The following CDC25A variants were observed in gnomAD, a reference collection of about 807,000 sequenced individuals.
CDC25A encodes cell division cycle 25A, also known as M-phase inducer phosphatase 1.
A neutral mutation model predicts 64.6 loss-of-function variants in CDC25A; 17 were observed. The ratio of observed to expected loss-of-function variants is 0.26; its 90% confidence interval spans 0.18 to 0.39. CDC25A has a LOEUF of 0.39. CDC25A is among the 10% of genes least tolerant of loss of function. The pLI is 1.00. For missense variants in CDC25A, 473 were observed against 654.8 expected (o/e 0.72, Z 3.03); for synonymous variants, 229 against 238.6 (o/e 0.96, Z 0.37).
rs2032902991 is a variant in CDC25A, at chr3:48,187,834, T to TC, written c.113dup (p.Leu39ThrfsTer20). ...CGGTCAGGTTGGTGACAGGCGACAG[T>TC]CCCCCGGCGGCTGAAGCGCCAAATA... On this transcript the variant is annotated frameshift_variant, in exon 1 of 15. Transcript: ENST00000302506. LOFTEE classifies it high-confidence loss of function. 1 of 1,548,350 alleles carries TC rather than the reference T, an allele frequency of 6.5e-7. No individual in the cohort carries two copies. The highest frequency in any genetic ancestry group is 8.7e-7 in the Non-Finnish European group (1 of 1,145,720).
chr3:48,186,706 A>G lies in CDC25A; in HGVS notation c.244T>C (p.Ser82Pro). 2 of 1,588,568 alleles carry G rather than the reference A, an allele frequency of 1.3e-6. No individual in the cohort carries two copies. The highest frequency in any genetic ancestry group is 1.7e-6 in the Non-Finnish European group (2 of 1,160,568). The change falls in exon 2 of 15, where the codon TCA (serine) becomes CCA (proline). Residue 82 changes from serine to proline, a missense_variant. Physicochemically the swap from Ser to Pro is moderately conservative, Grantham distance 74. This residue lies in a region of CDC25A where 376 missense variants were observed against 431.9 expected (regional missense o/e 0.87). Coordinates refer to ENST00000302506, the MANE Select transcript of CDC25A (RefSeq NM_001789.3). ...CCCACACAGCAGACTTAAATACCTG[A>G]ATCTGTTGACTCGGAGGAGCCCATT... The part of the protein sequence containing the change: ...QRMGSSESTD[S>P]GFCLDSPGPL...
At chr3:48,172,374 T>C (rs2106722741) in intron 9 of CDC25A, among the ~76,000 whole-genome samples, 1 of 152,370 alleles carries the variant, frequency 6.6e-6, no homozygotes, top group African/African-American at 2.4e-5. Flanking sequence ...TGATGAGATT[T>C]ACTTAAACCT....
chr3:48,183,129 T>C lies in CDC25A; in HGVS notation c.328-99A>G, dbSNP rs528275090. The C allele has an allele frequency of 6.9e-5, 51 of 739,204 alleles. No individual in the cohort carries two copies. In the South Asian group the frequency reaches 7.1e-4, roughly 10 times the overall value. The allele number at this position is 739,204 out of a possible 1,614,324, so 45.8% of individuals were successfully genotyped here. On this transcript the variant is annotated intron_variant, in intron 4 of 14. Transcript: ENST00000302506. ...AAAAAAAGGGGGGTTGAATAGGGGG[T>C]AGACTAGCTCCTCACACACTGCAGT...
chr3:48,183,152 A>C (rs2106758829), intron 4 of CDC25A, 122 bp from the exon 5 acceptor site: 2 of 648,758 alleles, frequency 3.1e-6, no homozygotes, highest in Middle Eastern at 3.8e-4. Flanking sequence ...CACACACTGC[A>C]GTAGGTAACC....
In CDC25A at chr3:48,165,684, A is replaced by G. The variant is rs990006320; in HGVS notation, c.1143T>C (p.Val381=). Residue 381 remains valine, a synonymous_variant, in exon 12 of 15, where the codon GTT becomes GTC. Transcript: ENST00000302506. ...CATATGGGTATCGACAGTCGATGATAACAAACTCTTTAATGAGGTTGGCAA... is the reference window on the plus strand; with the variant it reads ...CATATGGGTATCGACAGTCGATGATGACAAACTCTTTAATGAGGTTGGCAA... The part of the protein sequence containing the change: ...GKFANLIKEF[V]IIDCRYPYEY... 6.2e-7 allele frequency: 1 copy of G among 1,613,994 alleles called. No individual in the cohort carries two copies. The highest frequency in any genetic ancestry group is 8.5e-7 in the Non-Finnish European group (1 of 1,179,958).
intron 8 of CDC25A, among the ~76,000 whole-genome samples, chr3:48,175,469 A>G (rs1255684190): frequency 2.6e-5 from 4 of 152,138 alleles, no homozygotes; most frequent in Non-Finnish European, 4.4e-5. Context: ...TCAGTAAACC[A>G]TTCATTTTCA....
intron 13 of CDC25A, among the ~76,000 whole-genome samples, chr3:48,162,266 TTGTGTGTGTGTGTG>T (rs35591959): frequency 1.4e-5 from 2 of 144,692 alleles, no homozygotes; most frequent in African/African-American, 2.5e-5. Flanking sequence ...AGTATAACCT[TTGTGTGTGTGTGTG>T]TGTGTGTGTG....
Position 48,181,698 on chromosome 3 carries a change from G to A in CDC25A, c.430-858C>T, listed in dbSNP as rs879092271. On this transcript the variant is annotated intron_variant, in intron 5 of 14. Coordinates refer to ENST00000302506, the MANE Select transcript of CDC25A (RefSeq NM_001789.3). ...AGCATGTTATTTAAAAGGGTATTGC[G>A]ACCCAATAAAGAAGTTACCTGGAAG... The A allele has an allele frequency of 6.8e-6, 6 of 886,460 alleles. No homozygotes were observed. The East Asian group carries it at 7.3e-5, about 11-fold the overall frequency. The allele number at this position is 886,460 out of a possible 1,614,324, so 54.9% of individuals were successfully genotyped here. A position where few individuals can be genotyped will look rare whatever the true frequency, so the allele number is the denominator to read the frequency against.
chr3:48,184,777 C>A, intron 2 of CDC25A, 82 bp from the exon 3 acceptor site: 1 of 992,690 alleles, frequency 1.0e-6, no homozygotes, highest in Non-Finnish European at 1.5e-6. Flanking sequence ...AAACAAAGTA[C>A]CTGGGTCTTT....
At chr3:48,179,564 C>G (rs1308979205) in intron 6 of CDC25A, among the ~76,000 whole-genome samples, 1 of 152,104 alleles carries the variant, frequency 6.6e-6, no homozygotes, top group Non-Finnish European at 1.5e-5. Context: ...GATAGGGTCT[C>G]ACTATGTTAC....
At chr3:48,162,728 G>C (rs1191757052) in intron 13 of CDC25A, among the ~76,000 whole-genome samples, 3 of 151,994 alleles carry the variant, frequency 2.0e-5, no homozygotes, top group African/African-American at 7.2e-5. Context: ...GGCACCTGTA[G>C]TCCCAGCTAC....
rs1270368434 is a variant in CDC25A, at chr3:48,177,181, T to TACATCAGGAGACATGCAGAGAG, written c.756+168_756+189dup. 2.0e-5 allele frequency among the ~76,000 whole-genome samples: 3 copies of TACATCAGGAGACATGCAGAGAG among 152,300 alleles called. No homozygotes were observed. The East Asian group carries it at 5.8e-4, about 29-fold the overall frequency. ...GGTCCCTCCTAACCCACACTCCTTA[T>TACATCAGGAGACATGCAGAGAG]ACATCAGGAGACATGCAGAGAGATA... is the stretch of plus-strand genomic sequence containing the variant. On this transcript the variant is annotated intron_variant, in intron 8 of 14. Coordinates refer to ENST00000302506, the MANE Select transcript of CDC25A (RefSeq NM_001789.3).
At chr3:48,179,179 TTTTAGCCTA>T (rs2032572590) in intron 6 of CDC25A, among the ~76,000 whole-genome samples, 1 of 152,192 alleles carries the variant, frequency 6.6e-6, no homozygotes, top group South Asian at 2.1e-4. Flanking sequence ...TGGCAAATTT[TTTTAGCCTA>T]GGGGTAGATA....
At position 48,164,414 on chromosome 3, in the gene CDC25A, T is replaced by C. The variant is rs1210822583; in HGVS notation, c.1215A>G (p.Glu405=). The C allele has an allele frequency of 1.3e-6, 2 of 1,593,822 alleles. No homozygotes were observed. Among genetic ancestry groups the C allele is most frequent in the South Asian group, 1.1e-5 (1 of 87,430 alleles). Reference sequence around the variant, plus strand: ...TCAATAAGAAGTCTTCAACCTCTTCTTCCATGTGCAAGTTCACTGCACCCT... The same window carrying C: ...TCAATAAGAAGTCTTCAACCTCTTCCTCCATGTGCAAGTTCACTGCACCCT... ...HIKGAVNLHM[E]EEVEDFLLKK... is the part of the protein sequence containing the mutation. The change falls in exon 13 of 15, where the codon GAA becomes GAG. Residue 405 remains glutamate (E), a synonymous_variant. Transcript: ENST00000302506.
intron 9 of CDC25A, 28 bp downstream of exon 9, chr3:48,174,256 A>G: frequency 6.3e-7 from 1 of 1,584,866 alleles, no homozygotes; most frequent in Non-Finnish European, 8.6e-7. Flanking sequence ...TATCTGTGCT[A>G]GAGCAAAAAG....
chr3:48,181,605 T>A (rs2032671737), intron 5 of CDC25A: 10 of 1,535,404 alleles, frequency 6.5e-6, no homozygotes, highest in Non-Finnish European at 9.0e-6. Context: ...CTTGTCCCTA[T>A]GGGATTTGTC....
At position 48,165,743 on chromosome 3, in the gene CDC25A, AG is replaced by A. The variant is rs762968136; in HGVS notation, c.1093-10del. 304 of 1,609,606 alleles carry A rather than the reference AG, an allele frequency of 1.9e-4. 1 individual carries two copies. In the East Asian group the frequency reaches 6.1e-3, roughly 32 times the overall value. On this transcript the variant is annotated splice_polypyrimidine_tract_variant and intron_variant, in intron 11 of 14. Coordinates refer to ENST00000302506, the MANE Select transcript of CDC25A (RefSeq NM_001789.3). ...TTCAAAACAGATGCCATCTGTTGAG[AG>A]AAAATTAGGGAGAATCAACTTTGAC...
At chr3:48,166,629 T>C (rs1329512700) in intron 10 of CDC25A, among the ~76,000 whole-genome samples, 3 of 152,228 alleles carry the variant, frequency 2.0e-5, no homozygotes, top group African/African-American at 7.2e-5. Context: ...TAGCCCAGCC[T>C]TGAGGAGGAA....
At chr3:48,181,032 CT>C (rs1462904612) in intron 5 of CDC25A, among the ~76,000 whole-genome samples, 192 bp from the exon 6 acceptor site, 2 of 152,198 alleles carry the variant, frequency 1.3e-5, no homozygotes, top group Non-Finnish European at 2.9e-5. Context: ...AAAGTAACAT[CT>C]TTTTCTTGTC....
Sources: allele counts gnomAD v4.1 joint callset (sites outside exome capture counted in the v4.1 genomes callset), GRCh38; gene constraint gnomAD v4.1.1; regional missense constraint gnomAD v4.1.1; transcripts MANE v1.5; gene names NCBI Gene and HGNC (gene_info 2026-07-23, HGNC 2026-07-21).